Variants in CCDC85A observed in about 807,000 individuals in gnomAD.
CCDC85A encodes coiled-coil domain-containing protein 85A.
CCDC85A carries 38 observed loss-of-function variants against 50.2 expected under a neutral mutation model. That is an observed-to-expected ratio of 0.76 (90% confidence interval 0.58 to 0.99). The LOEUF is 0.99. Among genes scored for constraint, CCDC85A ranks in the 50% least tolerant of loss-of-function variants. The probability of loss-of-function intolerance (pLI) is 0.00; values close to 1 mark genes in which losing one functional copy is unlikely to be tolerated. For synonymous variants in CCDC85A, 366 were observed against 301.4 expected, an observed-to-expected ratio of 1.21 and a Z score of -2.22; for missense variants, 820 against 742.0, an observed-to-expected ratio of 1.11 and a Z score of -1.22.
intron 3 of CCDC85A, among the ~76,000 whole-genome samples, chr2:56,353,096 C>G (rs556612954): frequency 1.1e-4 from 16 of 152,136 alleles, no homozygotes; most frequent in Non-Finnish European, 2.4e-4. Context: ...CTACTTACAT[C>G]GTGGGGGGTT....
At chr2:56,355,715 T>C (rs7576776) in intron 3 of CCDC85A, among the ~76,000 whole-genome samples, 3,575 of 152,302 alleles carry the variant, frequency 0.023, 121 homozygotes, top group African/African-American at 0.08. Context: ...TTAGCAATTA[T>C]ATTAGGAAAA....
chr2:56,213,579 A>T (rs1052677842), intron 2 of CCDC85A, among the ~76,000 whole-genome samples: 9 of 152,056 alleles, frequency 5.9e-5, no homozygotes, highest in Non-Finnish European at 7.4e-5. Context: ...GTTAGGGGAA[A>T]AGGGGAGATA....
At chr2:56,282,254 T>C (rs1671240325) in intron 2 of CCDC85A, among the ~76,000 whole-genome samples, 1 of 152,146 alleles carries the variant, frequency 6.6e-6, no homozygotes, top group Non-Finnish European at 1.5e-5. Flanking sequence ...TTAGATTCTG[T>C]TGTTATGTTT....
intron 2 of CCDC85A, among the ~76,000 whole-genome samples, chr2:56,235,717 A>G (rs1204548976): frequency 6.6e-6 from 1 of 152,212 alleles, no homozygotes; most frequent in East Asian, 1.9e-4. Flanking sequence ...TCCCATACAA[A>G]TGGTACAAAT....
Position 56,314,926 on chromosome 2 carries a change from G to C in CCDC85A, c.1241-27953G>C, listed in dbSNP as rs796562034. On this transcript the variant is annotated intron_variant, in intron 2 of 5. Coordinates refer to ENST00000407595, the MANE Select transcript of CCDC85A (RefSeq NM_001080433.2). ...TCCCAGATCATCACTTAGAGGAAAG[G>C]GTGTGGATAGAGACTGTAATTGTTC... 2.6e-5 allele frequency among the ~76,000 whole-genome samples: 4 copies of C among 152,054 alleles called. No individual in the cohort carries two copies. The South Asian group carries it at 6.2e-4, about 24-fold the overall frequency.
intron 2 of CCDC85A, among the ~76,000 whole-genome samples, chr2:56,317,411 C>T (rs1485189385): frequency 6.6e-6 from 1 of 152,082 alleles, no homozygotes; most frequent in Non-Finnish European, 1.5e-5. Flanking sequence ...GAGATCTTCT[C>T]TCCAAATGAA....
At chr2:56,247,008 T>A (rs1463524768) in intron 2 of CCDC85A, among the ~76,000 whole-genome samples, 1 of 152,232 alleles carries the variant, frequency 6.6e-6, no homozygotes, top group Non-Finnish European at 1.5e-5. Flanking sequence ...CATTTTTCTA[T>A]GAAAATTCAT....
chr2:56,315,412 G>A (rs531975628), intron 2 of CCDC85A, among the ~76,000 whole-genome samples: 2 of 152,238 alleles, frequency 1.3e-5, no homozygotes, highest in African/African-American at 4.8e-5. Context: ...GTTGAATCAA[G>A]TTATGGTAAT....
chr2:56,365,306 T>C (rs757887906), intron 3 of CCDC85A, among the ~76,000 whole-genome samples: 19 of 152,234 alleles, frequency 1.2e-4, no homozygotes, highest in Non-Finnish European at 2.2e-4. Context: ...ATACACATTT[T>C]ATGTAATGGT....
At chr2:56,380,967 T>C (rs1020063003) in intron 5 of CCDC85A, among the ~76,000 whole-genome samples, 4 of 152,098 alleles carry the variant, frequency 2.6e-5, no homozygotes, top group African/African-American at 9.7e-5. Context: ...CCCTTTAGCT[T>C]TAGATCTATT....
intron 2 of CCDC85A, among the ~76,000 whole-genome samples, chr2:56,319,950 AG>A (rs1673093729): frequency 6.6e-6 from 1 of 152,192 alleles, no homozygotes; most frequent in Non-Finnish European, 1.5e-5. Flanking sequence ...CTCAGACCAC[AG>A]GGCAATCAAA....
At chr2:56,309,731 C>T (rs1573226464) in intron 2 of CCDC85A, among the ~76,000 whole-genome samples, 1 of 152,054 alleles carries the variant, frequency 6.6e-6, no homozygotes, top group African/African-American at 2.4e-5. Context: ...AAAAGGTTGT[C>T]ATTGACTTTG....
At chr2:56,199,979 C>T (rs925677145) in intron 2 of CCDC85A, among the ~76,000 whole-genome samples, 3 of 152,236 alleles carry the variant, frequency 2.0e-5, no homozygotes, top group Non-Finnish European at 1.5e-5. Context: ...AACGATTCTC[C>T]TGCCTCAGCT....
chr2:56,372,536 T>C (rs1676128504), intron 4 of CCDC85A, 58 bp downstream of exon 4: 2 of 1,437,344 alleles, frequency 1.4e-6, no homozygotes, highest in Non-Finnish European at 1.8e-6. Flanking sequence ...ATGACTTCTG[T>C]TGCTAGAGAA....
At chr2:56,306,033 C>T (rs1334677715) in intron 2 of CCDC85A, among the ~76,000 whole-genome samples, 1 of 152,148 alleles carries the variant, frequency 6.6e-6, no homozygotes, top group Non-Finnish European at 1.5e-5. Flanking sequence ...TGCTAAGTGC[C>T]AGAACTATGC....
chr2:56,210,068 AAAC>A (rs1445301473), intron 2 of CCDC85A, among the ~76,000 whole-genome samples: 3 of 152,094 alleles, frequency 2.0e-5, no homozygotes, highest in Non-Finnish European at 4.4e-5. Context: ...ATCTAAAGAA[AAAC>A]AACAACAAAA....
At chr2:56,265,014 C>G (rs1034485348) in intron 2 of CCDC85A, among the ~76,000 whole-genome samples, 1 of 152,132 alleles carries the variant, frequency 6.6e-6, no homozygotes, top group African/African-American at 2.4e-5. Flanking sequence ...GTAACAACAG[C>G]CCCCACCCCT....
At chr2:56,361,872 A>C (rs1243349517) in intron 3 of CCDC85A, among the ~76,000 whole-genome samples, 1 of 152,210 alleles carries the variant, frequency 6.6e-6, no homozygotes, top group African/African-American at 2.4e-5. Context: ...GGTAAACACG[A>C]GACTGAAGAA....
chr2:56,259,549 C>G (rs1449197421), intron 2 of CCDC85A, among the ~76,000 whole-genome samples: 1 of 152,168 alleles, frequency 6.6e-6, no homozygotes, highest in Admixed American at 6.5e-5. Context: ...GGGTCTGGTC[C>G]TTGGATGCCC....
Sources: allele counts gnomAD v4.1 joint callset (sites outside exome capture counted in the v4.1 genomes callset), GRCh38; gene constraint gnomAD v4.1.1; transcripts MANE v1.5; gene names NCBI Gene and HGNC (gene_info 2026-07-23, HGNC 2026-07-21).